Variants in NUMBL observed in about 807,000 individuals in gnomAD.
The protein encoded by NUMBL is NUMB like endocytic adaptor protein, also known as numb-like protein.
NUMBL carries 20 observed loss-of-function variants against 48.9 expected under a neutral mutation model. The ratio of observed to expected loss-of-function variants is 0.41; its 90% CI spans 0.29 to 0.59. The LOEUF (loss-of-function observed/expected upper bound fraction) is 0.59. Among genes scored for constraint, NUMBL ranks in the 20% least tolerant of loss-of-function variants. The pLI is 0.31. For synonymous variants in NUMBL, 340 were observed against 348.7 expected, an observed-to-expected ratio of 0.98 and a Z score of 0.28; for missense variants, 660 against 846.2, an observed-to-expected ratio of 0.78 and a Z score of 2.73.
chr19:40,674,795 A>G (rs1167093322), intron 7 of NUMBL, among the ~76,000 whole-genome samples: 1 of 152,146 alleles, frequency 6.6e-6, no homozygotes, highest in Non-Finnish European at 1.5e-5. Context: ...CTACCTCCCA[A>G]GCCTCTGAGA....
At chr19:40,675,268 C>G (rs1461782668) in intron 7 of NUMBL, among the ~76,000 whole-genome samples, 1 of 151,582 alleles carries the variant, frequency 6.6e-6, no homozygotes, top group South Asian at 2.1e-4. Context: ...TTGCAGTGAG[C>G]TGAGATGGCA....
At chr19:40,689,240 A>G (rs973121822) in intron 1 of NUMBL, among the ~76,000 whole-genome samples, 1 of 152,100 alleles carries the variant, frequency 6.6e-6, no homozygotes, top group Admixed American at 6.6e-5. Context: ...CGAGGCATAC[A>G]AACACAGGGT....
In NUMBL at chr19:40,668,105, G is replaced by A. The variant is rs536916726; in HGVS notation, c.1193C>T (p.Pro398Leu). 3.7e-6 allele frequency: 6 copies of A among 1,603,864 alleles called. No individual in the cohort carries two copies. Among genetic ancestry groups the A allele is most frequent in the Non-Finnish European group, 5.1e-6 (6 of 1,175,814 alleles). ...TSAWGEPSVP[P>L]AAAFQPGHKR... Reference sequence around the variant, plus strand: ...GTGCCCAGGCTGGAAGGCAGCTGCAGGGGGCACGGAGGGCTCACCCCAGGC... The same window carrying A: ...GTGCCCAGGCTGGAAGGCAGCTGCAAGGGGCACGGAGGGCTCACCCCAGGC... Residue 398 changes from proline (P) to leucine (L), a missense_variant, in exon 10 of 10, where the codon CCT becomes CTT. Pro to Leu is a moderately conservative substitution (Grantham distance 98, BLOSUM62 -3). Around this residue, in one of 3 missense-constraint regions of NUMBL, gnomAD observed 296 missense variants for 339.7 expected, o/e 0.87. Transcript: ENST00000252891.
chr19:40,667,530 C>T lies in NUMBL; in HGVS notation c.1768G>A (p.Val590Ile). ...GAAAAGGGGTTGGAGGGTTTCTCTA[C>T]AGTGGCTTTGCCTTCTAATGCCGCC... ...QWAALEGKAT[V>I]EKPSNPFSGD... The change falls in exon 10 of 10, where the codon GTA (valine) becomes ATA (isoleucine). Residue 590 changes from valine to isoleucine, a missense_variant. By Grantham distance (29) the Val-to-Ile change is conservative. This residue lies in a region of NUMBL where 296 missense variants were observed against 339.7 expected (regional missense o/e 0.87). Coordinates refer to ENST00000252891, the MANE Select transcript of NUMBL (RefSeq NM_004756.5). This position sits in a 1 kb window ranked among gnomAD's most constrained non-coding sequence, Gnocchi z 6.1. 6.3e-7 allele frequency: 1 copy of T among 1,580,430 alleles called. No homozygotes were observed. The highest frequency in any genetic ancestry group is 1.2e-5 in the South Asian group (1 of 86,496).
chr19:40,666,160 T>G lies in NUMBL; in HGVS notation c.*1308A>C, dbSNP rs975103474. The G allele has an allele frequency of 2.8e-5, 4 of 144,656 alleles. No individual in the cohort carries two copies. The highest frequency in any genetic ancestry group is 5.2e-5 in the African/African-American group (2 of 38,426). 9.0% of individuals were successfully genotyped at this position (144,656 alleles called of 1,614,324 possible). On this transcript the variant is annotated 3_prime_UTR_variant, in exon 10 of 10. Coordinates refer to ENST00000252891, the MANE Select transcript of NUMBL (RefSeq NM_004756.5). ...AGTAGTTTTTTTTTTTTTGTTTTTT[T>G]TTTTTGAGACAGAGTCTCATTCTGT... is the stretch of plus-strand genomic sequence containing the variant.
intron 2 of NUMBL, chr19:40,685,668 G>A (rs182434857): frequency 6.5e-6 from 1 of 153,860 alleles, no homozygotes; most frequent in African/African-American, 2.4e-5. Flanking sequence ...CTGTGTTTGA[G>A]ATGAGGCTGT....
At chr19:40,690,123 G>A (rs1226212884) in intron 1 of NUMBL, 6 of 240,444 alleles carry the variant, frequency 2.5e-5, no homozygotes, top group Non-Finnish European at 8.0e-6. Flanking sequence ...GCCTTGGTTT[G>A]ATACGGGGGC....
At chr19:40,668,821 G>A (rs1426041749) in intron 9 of NUMBL, among the ~76,000 whole-genome samples, 2 of 152,126 alleles carry the variant, frequency 1.3e-5, no homozygotes, top group East Asian at 3.8e-4. Flanking sequence ...ATTGTTTTAG[G>A]AGTTAAGATT....
rs141799618 is a variant in NUMBL at position 40,682,173 on chromosome 19, C to G, written c.399+555G>C. On this transcript the variant is annotated intron_variant, in intron 5 of 9. Coordinates refer to ENST00000252891, the MANE Select transcript of NUMBL (RefSeq NM_004756.5). This position sits in a 1 kb window ranked among gnomAD's most constrained non-coding sequence, Gnocchi z 4.0. ...TGGAGTTTAGCTCTTGTTGCCCAGG[C>G]TGGAGTGCAATGGCATGATCTCCGC... 0.036 allele frequency among the ~76,000 whole-genome samples: 5,459 copies of G among 152,164 alleles called. 148 individuals carry two copies. Among genetic ancestry groups the G allele is most frequent in the Non-Finnish European group, 0.059 (4,001 of 68,000 alleles).
Position 40,667,219 on chromosome 19 carries a change from A to C in NUMBL, c.*249T>G. 7.8e-6 allele frequency: 4 copies of C among 514,724 alleles called. No homozygotes were observed. Among genetic ancestry groups the C allele is most frequent in the Non-Finnish European group, 1.0e-5 (3 of 288,692 alleles). The allele number at this position is 514,724 out of a possible 1,614,324, so 31.9% of individuals were successfully genotyped here. On this transcript the variant is annotated 3_prime_UTR_variant, in exon 10 of 10. Coordinates refer to ENST00000252891, the MANE Select transcript of NUMBL (RefSeq NM_004756.5). This position sits in a 1 kb window ranked among gnomAD's most constrained non-coding sequence, Gnocchi z 6.1. ...TGTGTCTGGGGTTGGGGAAGGGGGC[A>C]TTGCCAGCCTAAGTCCGGCAGTGAA...
intron 1 of NUMBL, among the ~76,000 whole-genome samples, chr19:40,689,831 C>T (rs1263957728): frequency 6.6e-6 from 1 of 151,782 alleles, no homozygotes; most frequent in Admixed American, 6.6e-5. Flanking sequence ...TGAAATTGTC[C>T]TTATTTTATT....
chr19:40,678,312 G>A (rs1222310458), intron 6 of NUMBL, among the ~76,000 whole-genome samples: 1 of 152,086 alleles, frequency 6.6e-6, no homozygotes, highest in Non-Finnish European at 1.5e-5. Flanking sequence ...ATAGGCATGC[G>A]CCACCACACC....
chr19:40,678,063 T>C (rs2144658027), intron 6 of NUMBL, among the ~76,000 whole-genome samples: 1 of 152,210 alleles, frequency 6.6e-6, no homozygotes, highest in East Asian at 1.9e-4. Context: ...GCTGAAGCCC[T>C]CATCCACAAT....
intron 3 of NUMBL, chr19:40,684,195 A>C: frequency 2.0e-6 from 1 of 491,746 alleles, no homozygotes; most frequent in South Asian, 2.2e-5. Flanking sequence ...CAGCCTCCCC[A>C]GTAGCTGGGA....
chr19:40,667,945 G>T lies in NUMBL; in HGVS notation c.1353C>A (p.Ala451=). 1 of 1,567,170 alleles carries T rather than the reference G, an allele frequency of 6.4e-7. No individual in the cohort carries two copies. Among genetic ancestry groups the T allele is most frequent in the Non-Finnish European group, 8.6e-7 (1 of 1,156,300 alleles). The change falls in exon 10 of 10, where the codon GCC becomes GCA. Residue 451 remains alanine, a synonymous_variant. Coordinates refer to ENST00000252891, the MANE Select transcript of NUMBL (RefSeq NM_004756.5). This position sits in a 1 kb window ranked among gnomAD's most constrained non-coding sequence, Gnocchi z 6.1. The part of the protein sequence containing the change: ...QQQQQQAASV[A]PVPTMPPALQ... ...GGGCAGGAGGCATGGTGGGCACTGG[G>T]GCCACTGAGGCTGCTTGCTGCTGTT...
At position 40,682,635 on chromosome 19, in the gene NUMBL, G is replaced by C; in HGVS notation, c.399+93C>G. The C allele has an allele frequency of 8.8e-7, 1 of 1,131,676 alleles. No individual in the cohort carries two copies. The highest frequency in any genetic ancestry group is 2.4e-5 in the East Asian group (1 of 42,252). The allele number at this position is 1,131,676 out of a possible 1,614,324, so 70.1% of individuals were successfully genotyped here. On this transcript the variant is annotated intron_variant, in intron 5 of 9. Coordinates refer to ENST00000252891, the MANE Select transcript of NUMBL (RefSeq NM_004756.5). The surrounding 1 kb of genome is among the most constrained non-coding windows in gnomAD (Gnocchi z 4.0). Reference sequence around the variant, plus strand: ...TCGTCTAGAAGGTCCCTGAGGGAGGGATGTGCAGAGGAGGCGGGAAGGTGT... The same window carrying C: ...TCGTCTAGAAGGTCCCTGAGGGAGGCATGTGCAGAGGAGGCGGGAAGGTGT...
rs772850434 is a variant in NUMBL at position 40,667,631 on chromosome 19, C to T, written c.1667G>A (p.Arg556His). The change falls in exon 10 of 10, where the codon CGC (arginine) becomes CAC (histidine). Residue 556 changes from arginine to histidine, a missense_variant. By Grantham distance (29) the Arg-to-His change is conservative. Coordinates refer to ENST00000252891, the MANE Select transcript of NUMBL (RefSeq NM_004756.5). This position sits in a 1 kb window ranked among gnomAD's most constrained non-coding sequence, Gnocchi z 6.1. ...PSAPGSQARP[R>H]PNGAPWPPEP... ...AGGGGGCCAGGGGGCCCCATTGGGG[C>T]GAGGGCGGGCCTGGCTCCCAGGGGC... 144 of 1,555,050 alleles carry T rather than the reference C, an allele frequency of 9.3e-5. No homozygotes were observed. Among genetic ancestry groups the T allele is most frequent in the Non-Finnish European group, 1.1e-4 (129 of 1,149,558 alleles).
rs60843360 is a variant in NUMBL at position 40,686,550 on chromosome 19, A to ATGTGTG, written c.109+355_109+360dup. ...CTGTGAATCTGGGTGTTGTCTAGGA[A>ATGTGTG]TGTGTGTGTGTGTATATATGTGTGT... On this transcript the variant is annotated intron_variant, in intron 2 of 9. Coordinates refer to ENST00000252891, the MANE Select transcript of NUMBL (RefSeq NM_004756.5). Among the ~76,000 whole-genome samples the ATGTGTG allele has an allele frequency of 6.6e-5, 10 of 151,542 alleles. No homozygotes were observed. The South Asian group carries it at 8.4e-4, about 13-fold the overall frequency.
Position 40,687,201 on chromosome 19 carries a change from G to T in NUMBL, c.25-206C>A, listed in dbSNP as rs2081939664. On this transcript the variant is annotated intron_variant, in intron 1 of 9. Transcript: ENST00000252891. The surrounding 1 kb of genome is among the most constrained non-coding windows in gnomAD (Gnocchi z 4.6). Reference sequence around the variant, plus strand: ...GAGTAGGTATGTTTGGGGGGCATATGTTGGGGATGTGCTGGCCTCAGGAGA... The same window carrying T: ...GAGTAGGTATGTTTGGGGGGCATATTTTGGGGATGTGCTGGCCTCAGGAGA... Among the ~76,000 whole-genome samples the T allele has an allele frequency of 6.6e-6, 1 of 152,208 alleles. No individual in the cohort carries two copies. The highest frequency in any genetic ancestry group is 1.5e-5 in the Non-Finnish European group (1 of 68,020).
Sources: gnomAD v4.1 joint callset for allele counts (sites outside exome capture counted in the v4.1 genomes callset) on GRCh38, gnomAD v4.1.1 for gene constraint, gnomAD v4.1.1 regional missense constraint, Gnocchi (gnomAD v3.1) non-coding constraint, MANE v1.5 for transcripts, NCBI Gene and HGNC (gene_info 2026-07-23, HGNC 2026-07-21) for gene names.